TTLL11: variants seen among roughly 807,000 people sequenced by gnomAD.
The protein encoded by TTLL11 is tubulin tyrosine ligase like 11.
Under a neutral mutation model 51.7 loss-of-function variants are expected in TTLL11, and 42 were observed. That is an observed-to-expected ratio of 0.81 (90% CI 0.64 to 1.05). The LOEUF is 1.05. Among genes scored for constraint, TTLL11 ranks in the 50% least tolerant of loss-of-function variants. The probability of loss-of-function intolerance (pLI) is 0.00; values close to 1 mark genes in which losing one functional copy is unlikely to be tolerated. For synonymous variants in TTLL11, 381 were observed against 383.5 expected (o/e 0.99, Z 0.08); for missense variants, 799 against 940.4 (o/e 0.85, Z 1.97).
intron 6 of TTLL11, among the ~76,000 whole-genome samples, chr9:121,874,756 ATTTTTTT>A (rs35998915): frequency 7.3e-6 from 1 of 137,606 alleles, no homozygotes; most frequent in Non-Finnish European, 1.6e-5. Context: ...CAGAGGCATA[ATTTTTTT>A]TTTTTTTTTT....
At chr9:121,992,063 C>T (rs1033493831) in intron 3 of TTLL11, among the ~76,000 whole-genome samples, 2 of 152,186 alleles carry the variant, frequency 1.3e-5, no homozygotes, top group Admixed American at 6.5e-5. Flanking sequence ...GAGGTCTGTA[C>T]TCTGGCCTCA....
At chr9:121,952,699 C>T (rs1053758309) in intron 6 of TTLL11, among the ~76,000 whole-genome samples, 2 of 152,136 alleles carry the variant, frequency 1.3e-5, no homozygotes, top group African/African-American at 4.8e-5. Context: ...CACTGGCAAA[C>T]GTGCTCAGCC....
At chr9:122,017,134 G>C (rs1844011565) in intron 3 of TTLL11, among the ~76,000 whole-genome samples, 1 of 152,132 alleles carries the variant, frequency 6.6e-6, no homozygotes, top group Non-Finnish European at 1.5e-5. Flanking sequence ...TTGTTTTACA[G>C]AAACTCACAC....
At chr9:122,021,354 G>T (rs990440590) in intron 3 of TTLL11, among the ~76,000 whole-genome samples, 1 of 152,110 alleles carries the variant, frequency 6.6e-6, no homozygotes, top group Non-Finnish European at 1.5e-5. Flanking sequence ...CAGAGTACTG[G>T]GAAGGACACT....
chr9:121,939,962 G>C (rs1339854895), intron 6 of TTLL11, among the ~76,000 whole-genome samples: 1 of 152,264 alleles, frequency 6.6e-6, no homozygotes, highest in South Asian at 2.1e-4. Flanking sequence ...TGGTGAGGAC[G>C]AGAGGTGAGT....
intron 1 of TTLL11, among the ~76,000 whole-genome samples, chr9:122,043,826 G>T (rs2131833463): frequency 6.6e-6 from 1 of 152,000 alleles, no homozygotes; most frequent in South Asian, 2.1e-4. Flanking sequence ...TAGATCAATA[G>T]TCAGAATATA....
At chr9:121,933,142 G>T (rs562619775) in intron 6 of TTLL11, among the ~76,000 whole-genome samples, 32 of 152,264 alleles carry the variant, frequency 2.1e-4, no homozygotes, top group African/African-American at 7.2e-4. Flanking sequence ...TAGGTACAAA[G>T]GGGAAATGAT....
chr9:121,839,895 C>T (rs1402279486), intron 8 of TTLL11, among the ~76,000 whole-genome samples: 1 of 152,170 alleles, frequency 6.6e-6, no homozygotes, highest in Non-Finnish European at 1.5e-5. Flanking sequence ...TCAAAGCTGG[C>T]CTGCCATTTG....
chr9:122,022,541 TATC>T lies in TTLL11; in HGVS notation c.693+9179_693+9181del, dbSNP rs962014822. Among the ~76,000 whole-genome samples the T allele has an allele frequency of 3.1e-4, 46 of 150,758 alleles. 1 individual carries two copies. The highest frequency in any genetic ancestry group is 1.0e-3 in the African/African-American group (43 of 41,116). ...CCTAGAATTCTACACCTAGAGAAAA[TATC>T]ATCCAAAACCAAAGGCAAAATAAAT... is the stretch of plus-strand genomic sequence containing the variant. On this transcript the variant is annotated intron_variant, in intron 3 of 8. Coordinates refer to ENST00000321582, the MANE Select transcript of TTLL11 (RefSeq NM_001139442.2).
chr9:122,069,905 C>T (rs1027043827), intron 1 of TTLL11, among the ~76,000 whole-genome samples: 1 of 151,894 alleles, frequency 6.6e-6, no homozygotes, highest in African/African-American at 2.4e-5. Context: ...CATCATGGCA[C>T]CGCTGGCCCC....
intron 1 of TTLL11, among the ~76,000 whole-genome samples, chr9:122,063,652 C>T (rs1845494919): frequency 6.6e-6 from 1 of 152,162 alleles, no homozygotes; most frequent in African/African-American, 2.4e-5. Context: ...CTTATGGTTC[C>T]TGTTTTGTTC....
At chr9:121,897,618 G>GCACACACACACACACACACA (rs745877337) in intron 6 of TTLL11, among the ~76,000 whole-genome samples, 1,433 of 136,876 alleles carry the variant, frequency 0.01, 25 homozygotes, top group African/African-American at 0.034. Flanking sequence ...TTCCCTCCAG[G>GCACACACACACACACACACA]CACACACACA....
intron 1 of TTLL11, among the ~76,000 whole-genome samples, chr9:122,043,958 T>C (rs1184788151): frequency 6.6e-6 from 1 of 152,170 alleles, no homozygotes; most frequent in Non-Finnish European, 1.5e-5. Context: ...GCTGCACCCA[T>C]TAACTCGTCA....
chr9:121,860,520 G>A (rs920719312), intron 7 of TTLL11, 77 bp from the exon 8 acceptor site: 9 of 1,201,426 alleles, frequency 7.5e-6, no homozygotes, highest in Non-Finnish European at 1.1e-5. Context: ...TCCTGTTAGG[G>A]ACTGAATGTT....
intron 6 of TTLL11, chr9:121,963,520 C>T (rs895842070): frequency 6.6e-6 from 1 of 152,248 alleles, no homozygotes; most frequent in South Asian, 2.1e-4. Context: ...TTCAGCACTG[C>T]CATTTCCCCG....
Position 122,093,071 on chromosome 9 carries a change from G to A in TTLL11, c.78C>T (p.Ala26=). 1 of 1,491,510 alleles carries A rather than the reference G, an allele frequency of 6.7e-7. No homozygotes were observed. The highest frequency in any genetic ancestry group is 8.9e-7 in the Non-Finnish European group (1 of 1,121,030). The allele number at this position is 1,491,510 out of a possible 1,614,324, so 92.4% of individuals were successfully genotyped here. Residue 26 remains alanine, a synonymous_variant, in exon 1 of 9, where the codon GCC becomes GCT. Coordinates refer to ENST00000321582, the MANE Select transcript of TTLL11 (RefSeq NM_001139442.2). ...AEAVAAAKAA[A]KAEAEATAET... ...CCGCTGTGGCCTCGGCCTCAGCTTT[G>A]GCCGCCGCTTTGGCCGCAGCCACCG...
At chr9:121,977,821 C>T (rs570878345) in intron 4 of TTLL11, among the ~76,000 whole-genome samples, 2 of 151,982 alleles carry the variant, frequency 1.3e-5, no homozygotes, top group East Asian at 3.9e-4. Context: ...ATTACAGACA[C>T]GTGCCCCCAT....
At chr9:121,917,553 AAAAGAAAG>A (rs553060411) in intron 6 of TTLL11, among the ~76,000 whole-genome samples, 19 of 144,900 alleles carry the variant, frequency 1.3e-4, no homozygotes, top group Non-Finnish European at 2.6e-4. Context: ...AAGAAAAAGA[AAAAGAAAG>A]AAAGAAAGAA....
chr9:122,085,877 G>T (rs1001114248), intron 1 of TTLL11, among the ~76,000 whole-genome samples: 9 of 152,120 alleles, frequency 5.9e-5, no homozygotes, highest in Admixed American at 4.6e-4. Context: ...AGCAATCAGA[G>T]GCAAGGATTT....
Sources: allele counts gnomAD v4.1 joint callset (sites outside exome capture counted in the v4.1 genomes callset), GRCh38; gene constraint gnomAD v4.1.1; transcripts MANE v1.5; gene names NCBI Gene and HGNC (gene_info 2026-07-23, HGNC 2026-07-21).